The following TSPAN9 variants were observed in gnomAD, a reference collection of about 807,000 sequenced individuals.
TSPAN9 encodes tetraspanin-9.
Under a neutral mutation model 31.0 loss-of-function variants are expected in TSPAN9, and 16 were observed. The ratio of observed to expected loss-of-function variants is 0.52; its 90% CI spans 0.35 to 0.78. The LOEUF (loss-of-function observed/expected upper bound fraction) is 0.78. Ranked by LOEUF, TSPAN9 falls within the 30% of genes least tolerant of loss-of-function variation. TSPAN9 has a pLI of 0.01. For synonymous variants in TSPAN9, 145 were observed against 121.6 expected (o/e 1.19, Z -1.27); for missense variants, 272 against 312.5 (o/e 0.87, Z 0.98).
At chr12:3,145,239 G>A (rs1177170736) in intron 2 of TSPAN9, among the ~76,000 whole-genome samples, 10 of 152,298 alleles carry the variant, frequency 6.6e-5, no homozygotes, top group African/African-American at 2.4e-4. Flanking sequence ...CTAGACTCTT[G>A]AGCACGTGCA....
intron 1 of TSPAN9, among the ~76,000 whole-genome samples, chr12:3,079,412 C>T (rs890689514): frequency 6.6e-5 from 10 of 152,308 alleles, no homozygotes; most frequent in Admixed American, 6.5e-4. Context: ...GACCTTCCTG[C>T]CTTGTGCCAT....
intron 2 of TSPAN9, among the ~76,000 whole-genome samples, chr12:3,086,493 T>C (rs937532912): frequency 6.6e-6 from 1 of 152,208 alleles, no homozygotes; most frequent in Non-Finnish European, 1.5e-5. Context: ...CCATTTCTAC[T>C]CTCAATGGTC....
At chr12:3,169,395 T>C (rs2098350471) in intron 2 of TSPAN9, among the ~76,000 whole-genome samples, 1 of 152,188 alleles carries the variant, frequency 6.6e-6, no homozygotes, top group South Asian at 2.1e-4. Flanking sequence ...GAAGCTCTGA[T>C]TTCTAATTCT....
rs77530558 is a variant in TSPAN9 at position 3,248,933 on chromosome 12, C to A, written c.64-29488C>A. 3.6e-3 allele frequency among the ~76,000 whole-genome samples: 545 copies of A among 152,336 alleles called. 1 individual carries two copies. Among genetic ancestry groups the A allele is most frequent in the African/African-American group, 0.012 (516 of 41,578 alleles). On this transcript the variant is annotated intron_variant, in intron 3 of 8. Transcript: ENST00000011898. ...CAGGCTGGAAACCTCTGTCTGCCCC[C>A]CTCCGTACCCATGCCGCCTCCCTGA...
At chr12:3,159,579 A>G (rs1187183665) in intron 2 of TSPAN9, among the ~76,000 whole-genome samples, 1 of 152,148 alleles carries the variant, frequency 6.6e-6, no homozygotes, top group African/African-American at 2.4e-5. Flanking sequence ...ATAAGAGGAT[A>G]TTAGGGGCCT....
At chr12:3,196,500 A>G (rs2098367162) in intron 2 of TSPAN9, among the ~76,000 whole-genome samples, 1 of 152,196 alleles carries the variant, frequency 6.6e-6, no homozygotes. Context: ...TCTTTTCTGT[A>G]AAATGGGGAT....
intron 2 of TSPAN9, among the ~76,000 whole-genome samples, chr12:3,153,498 G>A (rs767614476): frequency 4.6e-5 from 7 of 151,838 alleles, no homozygotes; most frequent in African/African-American, 7.3e-5. Context: ...CATTCTATTT[G>A]CTTTCTTTAA....
intron 3 of TSPAN9, among the ~76,000 whole-genome samples, chr12:3,262,013 G>C (rs1338552088): frequency 1.3e-5 from 2 of 152,238 alleles, no homozygotes; most frequent in African/African-American, 4.8e-5. Flanking sequence ...ACAGAGGTCA[G>C]AGTTTCCTGA....
At chr12:3,262,870 G>A (rs1003491515) in intron 3 of TSPAN9, among the ~76,000 whole-genome samples, 3 of 152,116 alleles carry the variant, frequency 2.0e-5, no homozygotes, top group Non-Finnish European at 4.4e-5. Flanking sequence ...CATTTCCCTC[G>A]GCAGGCAGGA....
At position 3,281,810 on chromosome 12, in the gene TSPAN9, T is replaced by C. The variant is rs139045775; in HGVS notation, c.641T>C (p.Ile214Thr). ...GGCACGGTGGGGATGTGCATCCTCA[T>C]CATGCAGGTAAGAGGGGCGTCCCCA... is the stretch of plus-strand genomic sequence containing the variant. ...VLGTVGMCIL[I>T]MQILGMAFSM... is the part of the protein sequence containing the mutation. The change falls in exon 8 of 9, where the codon ATC becomes ACC. Residue 214 changes from isoleucine to threonine, a missense_variant. Coordinates refer to ENST00000011898, the MANE Select transcript of TSPAN9 (RefSeq NM_006675.5). 4.8e-5 allele frequency: 77 copies of C among 1,614,092 alleles called. No individual in the cohort carries two copies. In the African/African-American group the frequency reaches 9.5e-4, roughly 20 times the overall value.
intron 2 of TSPAN9, among the ~76,000 whole-genome samples, chr12:3,092,947 G>A (rs990332241): frequency 2.0e-5 from 3 of 152,204 alleles, no homozygotes; most frequent in East Asian, 1.9e-4. Flanking sequence ...GGGAGCTGGC[G>A]AGTGCTTCCA....
intron 1 of TSPAN9, among the ~76,000 whole-genome samples, chr12:3,078,923 G>A (rs576270546): frequency 6.6e-6 from 1 of 151,752 alleles, no homozygotes; most frequent in Admixed American, 6.6e-5. Context: ...TTCTATGCAC[G>A]TTACATTAGC....
chr12:3,254,702 C>T (rs143524908), intron 3 of TSPAN9, among the ~76,000 whole-genome samples: 2 of 152,302 alleles, frequency 1.3e-5, no homozygotes, highest in African/African-American at 2.4e-5. Context: ...TTAGTAAACC[C>T]GCTTAACATA....
chr12:3,208,630 G>C (rs369129975), intron 3 of TSPAN9, among the ~76,000 whole-genome samples: 2 of 152,212 alleles, frequency 1.3e-5, no homozygotes, highest in Non-Finnish European at 2.9e-5. Flanking sequence ...CCAGGTCCGG[G>C]TCACTTTCCC....
At chr12:3,203,486 G>C (rs1239961919) in intron 3 of TSPAN9, among the ~76,000 whole-genome samples, 5 of 152,182 alleles carry the variant, frequency 3.3e-5, no homozygotes, top group African/African-American at 1.2e-4. Context: ...CCTTGGCAGA[G>C]GTTAATGAGC....
intron 2 of TSPAN9, among the ~76,000 whole-genome samples, chr12:3,118,237 C>T (rs1016012338): frequency 2.3e-5 from 3 of 129,888 alleles, no homozygotes; most frequent in African/African-American, 8.8e-5. Flanking sequence ...CCTGATTCCG[C>T]ACCGCCCCTG....
At chr12:3,164,720 T>C (rs189508424) in intron 2 of TSPAN9, among the ~76,000 whole-genome samples, 49 of 152,266 alleles carry the variant, frequency 3.2e-4, no homozygotes, top group Admixed American at 2.0e-3. Flanking sequence ...ATCACAGCAC[T>C]GTTAACTCTG....
At chr12:3,275,107 G>GTC (rs1396976782) in intron 3 of TSPAN9, among the ~76,000 whole-genome samples, 13 of 152,260 alleles carry the variant, frequency 8.5e-5, no homozygotes, top group African/African-American at 3.1e-4. Context: ...GGAGTGTGAA[G>GTC]TCAGAGAACC....
chr12:3,094,147 T>C (rs2098306523), intron 2 of TSPAN9, among the ~76,000 whole-genome samples: 2 of 152,074 alleles, frequency 1.3e-5, no homozygotes, highest in South Asian at 4.1e-4. Flanking sequence ...TAGGCATGAG[T>C]GAGCCACCAC....
Sources: allele counts gnomAD v4.1 joint callset (sites outside exome capture counted in the v4.1 genomes callset), GRCh38; gene constraint gnomAD v4.1.1; transcripts MANE v1.5; gene names NCBI Gene and HGNC (gene_info 2026-07-23, HGNC 2026-07-21).